TEX51: variants seen among roughly 807,000 people sequenced by gnomAD.
TEX51 encodes the protein testis expressed 51.
Under a neutral mutation model 8.0 loss-of-function variants are expected in TEX51, and 14 were observed. That is an observed-to-expected ratio of 1.76 (90% CI 1.16 to 2.75). TEX51 has a LOEUF of 2.75. Ranked by LOEUF, TEX51 falls within the 30% of genes most tolerant of loss-of-function variation. TEX51 has a pLI of 0.00. For synonymous variants in TEX51, 58 were observed against 28.6 expected, an observed-to-expected ratio of 2.03 and a Z score of -3.29; for missense variants, 142 against 77.4, an observed-to-expected ratio of 1.83 and a Z score of -3.13.
chr2:126,899,010 A>G lies in TEX51; in HGVS notation c.92A>G (p.Tyr31Cys), dbSNP rs1360316950. ...CWPELSALID[Y>C]DLQILWVTPG... ...CCAGAACTGTCTGCCTTGATAGACT[A>G]TGACCTGCAGATCCTCTGGGTGACC... The change falls in exon 1 of 7, where the codon TAT becomes TGT. Residue 31 changes from tyrosine to cysteine, a missense_variant. Coordinates refer to ENST00000568484, the MANE Select transcript of TEX51 (RefSeq NM_001322244.2). 1.4e-6 allele frequency: 1 copy of G among 702,314 alleles called. No homozygotes were observed. Among genetic ancestry groups the G allele is most frequent in the East Asian group, 2.7e-5 (1 of 37,276 alleles). 43.5% of individuals were successfully genotyped at this position (702,314 alleles called of 1,614,324 possible).
chr2:126,901,638 C>G, intron 6 of TEX51: 5 of 599,612 alleles, frequency 8.3e-6, no homozygotes, highest in Admixed American at 3.0e-5. Flanking sequence ...TCCAGGCCTC[C>G]CATCCTCACT....
At chr2:126,901,730 A>G (rs1680342472) in intron 6 of TEX51, 142 bp from the exon 7 acceptor site, 3 of 571,648 alleles carry the variant, frequency 5.2e-6, no homozygotes, top group Non-Finnish European at 9.3e-6. Context: ...ACCCACAGGG[A>G]CCATTAGCAT....
At chr2:126,899,891 A>G (rs1349229609) in intron 3 of TEX51, 45 bp from the exon 4 acceptor site, 2 of 702,164 alleles carry the variant, frequency 2.8e-6, no homozygotes, top group South Asian at 3.0e-5. Context: ...GGGAGGGATG[A>G]AAGGCACCTG....
intron 4 of TEX51, 147 bp from the exon 5 acceptor site, chr2:126,901,063 T>C: frequency 1.8e-6 from 1 of 545,320 alleles, no homozygotes; most frequent in Admixed American, 3.2e-5. Flanking sequence ...TGTCTAGATA[T>C]GTGCTGGGCG....
chr2:126,900,713 G>A (rs1195300203), intron 4 of TEX51, among the ~76,000 whole-genome samples: 10 of 152,078 alleles, frequency 6.6e-5, no homozygotes, highest in Non-Finnish European at 1.5e-5. Flanking sequence ...TTCTCAACGA[G>A]CAAGTCTACC....
chr2:126,899,789 G>GCC, intron 3 of TEX51, 147 bp from the exon 4 acceptor site: 1 of 701,976 alleles, frequency 1.4e-6, no homozygotes, highest in South Asian at 1.5e-5. Flanking sequence ...GGCTCTGTCT[G>GCC]CCTCCCCAGC....
At chr2:126,901,102 C>T (rs570342134) in intron 4 of TEX51, 108 bp from the exon 5 acceptor site, 1 of 582,352 alleles carries the variant, frequency 1.7e-6, no homozygotes, top group African/African-American at 1.9e-5. Context: ...TGTTTGCAAA[C>T]ACATCATGAG....
chr2:126,901,168 T>C, intron 4 of TEX51, 42 bp from the exon 5 acceptor site: 1 of 611,976 alleles, frequency 1.6e-6, no homozygotes, highest in Non-Finnish European at 2.9e-6. Flanking sequence ...GAGGTAGCCC[T>C]GCCTGGCCTC....
Position 126,902,014 on chromosome 2 carries a change from C to T in TEX51, c.*145C>T, listed in dbSNP as rs1208792772. On this transcript the variant is annotated 3_prime_UTR_variant, in exon 7 of 7. Coordinates refer to ENST00000568484, the MANE Select transcript of TEX51 (RefSeq NM_001322244.2). ...TCCTGGGGCCCCAAAGCTCTGAGGC[C>T]TAGGAGACTGCGCTGTCTCGTGGTT... The T allele has an allele frequency of 1.8e-6, 1 of 550,564 alleles. No homozygotes were observed. The highest frequency in any genetic ancestry group is 3.2e-6 in the Non-Finnish European group (1 of 309,918). The allele number at this position is 550,564 out of a possible 1,614,324, so 34.1% of individuals were successfully genotyped here. A position where few individuals can be genotyped will look rare whatever the true frequency, so the allele number is the denominator to read the frequency against.
At position 126,901,971 on chromosome 2, in the gene TEX51, C is replaced by A. The variant is rs925603298; in HGVS notation, c.*102C>A. Reference sequence around the variant, plus strand: ...CTGGGTCCCGGTGACCCCATCCCCCCATACCCTCCATCCTGGGTCCTGGGG... The same window carrying A: ...CTGGGTCCCGGTGACCCCATCCCCCAATACCCTCCATCCTGGGTCCTGGGG... On this transcript the variant is annotated 3_prime_UTR_variant, in exon 7 of 7. Transcript: ENST00000568484. 2.5e-5 allele frequency: 16 copies of A among 642,340 alleles called. 1 individual carries two copies. The highest frequency in any genetic ancestry group is 1.2e-4 in the East Asian group (4 of 33,582). 39.8% of individuals were successfully genotyped at this position (642,340 alleles called of 1,614,324 possible).
Position 126,901,992 on chromosome 2 carries a change from TG to T in TEX51, c.*127del. 2 of 587,314 alleles carry T rather than the reference TG, an allele frequency of 3.4e-6. No individual in the cohort carries two copies. The highest frequency in any genetic ancestry group is 2.0e-5 in the South Asian group (1 of 49,450). 36.4% of individuals were successfully genotyped at this position (587,314 alleles called of 1,614,324 possible). ...CCCCCATACCCTCCATCCTGGGTCCTGGGGCCCCAAAGCTCTGAGGCCTAGG... is the reference window on the plus strand; with the variant it reads ...CCCCCATACCCTCCATCCTGGGTCCTGGGCCCCAAAGCTCTGAGGCCTAGG... On this transcript the variant is annotated 3_prime_UTR_variant, in exon 7 of 7. Coordinates refer to ENST00000568484, the MANE Select transcript of TEX51 (RefSeq NM_001322244.2).
chr2:126,899,459 G>T, intron 2 of TEX51, 64 bp from the exon 3 acceptor site: 1 of 681,220 alleles, frequency 1.5e-6, no homozygotes, highest in Non-Finnish European at 2.7e-6. Flanking sequence ...AGAAACAAGG[G>T]TCTGAAAACC....
In TEX51 at chr2:126,899,211, C is replaced by T. The variant is rs1416630029; in HGVS notation, c.146-6C>T. 4 of 702,304 alleles carry T rather than the reference C, an allele frequency of 5.7e-6. No homozygotes were observed. In the East Asian group the frequency reaches 1.1e-4, roughly 19 times the overall value. The allele number at this position is 702,304 out of a possible 1,614,324, so 43.5% of individuals were successfully genotyped here. ...GACTTCCCTTTGACCTGTATCTCAT[C>T]CTCAGATCGTGACCATTTGGAAGAA... On this transcript the variant is annotated splice_region_variant and splice_polypyrimidine_tract_variant and intron_variant, in intron 1 of 6. Transcript: ENST00000568484.
intron 6 of TEX51, 103 bp downstream of exon 6, chr2:126,901,507 G>A: frequency 1.5e-6 from 1 of 676,220 alleles, no homozygotes; most frequent in Non-Finnish European, 2.7e-6. Flanking sequence ...CTGACCTCCT[G>A]GGGTCTGGCG....
chr2:126,901,420 AC>A lies in TEX51; in HGVS notation c.*2+20del, dbSNP rs1357796473. On this transcript the variant is annotated intron_variant, in intron 6 of 6. Coordinates refer to ENST00000568484, the MANE Select transcript of TEX51 (RefSeq NM_001322244.2). ...GGCAGTAAAGGTACTGGGAAAGGAG[AC>A]CCCGACCCAATTCTAGGGCTCCCAG... 1.4e-6 allele frequency: 1 copy of A among 701,850 alleles called. No homozygotes were observed. Among genetic ancestry groups the A allele is most frequent in the East Asian group, 2.7e-5 (1 of 37,274 alleles). The allele number at this position is 701,850 out of a possible 1,614,324, so 43.5% of individuals were successfully genotyped here.
rs925603298 is a variant in TEX51, at chr2:126,901,971, C to T, written c.*102C>T. The T allele has an allele frequency of 3.1e-6, 2 of 642,340 alleles. No individual in the cohort carries two copies. Among genetic ancestry groups the T allele is most frequent in the Admixed American group, 4.8e-5 (2 of 41,748 alleles). 39.8% of individuals were successfully genotyped at this position (642,340 alleles called of 1,614,324 possible). A position where few individuals can be genotyped will look rare whatever the true frequency, so the allele number is the denominator to read the frequency against. ...CTGGGTCCCGGTGACCCCATCCCCC[C>T]ATACCCTCCATCCTGGGTCCTGGGG... is the stretch of plus-strand genomic sequence containing the variant. On this transcript the variant is annotated 3_prime_UTR_variant, in exon 7 of 7. Transcript: ENST00000568484.
At chr2:126,901,776 C>T in intron 6 of TEX51, 96 bp from the exon 7 acceptor site, 1 of 571,040 alleles carries the variant, frequency 1.8e-6, no homozygotes, top group Non-Finnish European at 3.1e-6. Flanking sequence ...TGGGTTTGGC[C>T]AGGGGAGACT....
intron 3 of TEX51, 71 bp from the exon 4 acceptor site, chr2:126,899,865 T>G: frequency 1.4e-6 from 1 of 702,200 alleles, no homozygotes; most frequent in South Asian, 1.5e-5. Context: ...TGAGTATGCA[T>G]GGGGACTGGG....
chr2:126,898,902 T>C lies in TEX51; in HGVS notation c.-17T>C. 1.4e-6 allele frequency: 1 copy of C among 696,134 alleles called. No individual in the cohort carries two copies. The highest frequency in any genetic ancestry group is 1.7e-5 in the African/African-American group (1 of 57,224). The allele number at this position is 696,134 out of a possible 1,614,324, so 43.1% of individuals were successfully genotyped here. ...TTCCAGGCAGGGCACTGGGGCACAGTAGGAGGAACCCAGAAGATGCTGCCT... is the reference window on the plus strand; with the variant it reads ...TTCCAGGCAGGGCACTGGGGCACAGCAGGAGGAACCCAGAAGATGCTGCCT... On this transcript the variant is annotated 5_prime_UTR_variant, in exon 1 of 7. Coordinates refer to ENST00000568484, the MANE Select transcript of TEX51 (RefSeq NM_001322244.2).
Sources: allele counts gnomAD v4.1 joint callset (sites outside exome capture counted in the v4.1 genomes callset), GRCh38; gene constraint gnomAD v4.1.1; transcripts MANE v1.5; gene names NCBI Gene and HGNC (gene_info 2026-07-23, HGNC 2026-07-21).